BLTP1: variants seen among roughly 807,000 people sequenced by gnomAD.
The protein encoded by BLTP1 is bridge-like lipid transfer protein family member 1.
chr4:122,261,435 C>CT, the BLTP1 span: 1 of 985,082 alleles, frequency 1.0e-6, no homozygotes, highest in Non-Finnish European at 1.2e-6. Flanking sequence ...TTTTCAAGAT[C>CT]TTTTTTGCCT....
chr4:122,215,504 GA>G, the BLTP1 span: 3 of 985,398 alleles, frequency 3.0e-6, no homozygotes, highest in South Asian at 9.4e-5. Context: ...AGGTGGGACA[GA>G]GGTGATTTTC....
chr4:122,204,917 T>G, the BLTP1 span: 1 of 549,238 alleles, frequency 1.8e-6, no homozygotes, highest in Non-Finnish European at 2.3e-6. Flanking sequence ...ATAAATGGAA[T>G]TTTCTGTTGT....
At chr4:122,280,134 A>G in the BLTP1 span, 1,551 of 985,462 alleles carry the variant, frequency 1.6e-3, 13 homozygotes, top group African/African-American at 0.025. Flanking sequence ...GCCAATTGTG[A>G]TCATGTGAGA....
the BLTP1 span, chr4:122,175,149 AT>A: frequency 4.1e-6 from 4 of 984,082 alleles, no homozygotes; most frequent in Non-Finnish European, 4.8e-6. Context: ...AGCCTACTCA[AT>A]TTTTGTGATT....
chr4:122,282,732 A>G, the BLTP1 span, among the ~76,000 whole-genome samples: 13 of 152,188 alleles, frequency 8.5e-5, no homozygotes, highest in African/African-American at 2.9e-4. Context: ...TAGTTTTACC[A>G]TATATGTATA....
chr4:122,170,536 C>A, the BLTP1 span: 1 of 1,378,034 alleles, frequency 7.3e-7, no homozygotes, highest in South Asian at 1.6e-5. Flanking sequence ...TTATTAAATT[C>A]ACCCTTTTTT....
At chr4:122,322,198 T>C in the BLTP1 span, among the ~76,000 whole-genome samples, 1 of 151,750 alleles carries the variant, frequency 6.6e-6, no homozygotes, top group East Asian at 1.9e-4. Flanking sequence ...CCACAGTCCT[T>C]AGATATACTG....
At chr4:122,224,939 G>T in the BLTP1 span, 1 of 1,247,782 alleles carries the variant, frequency 8.0e-7, no homozygotes. Context: ...CTTTCTTTGG[G>T]AAAAATTCAG....
the BLTP1 span, chr4:122,300,987 A>G: frequency 2.0e-6 from 2 of 981,730 alleles, no homozygotes; most frequent in East Asian, 1.1e-4. Context: ...AATTCACATT[A>G]TTAGTTGAAG....
At chr4:122,306,078 G>A in the BLTP1 span, 19 of 1,552,128 alleles carry the variant, frequency 1.2e-5, no homozygotes, top group Non-Finnish European at 1.5e-5. Context: ...TATCCTCTGG[G>A]ATCTAGGAAT....
the BLTP1 span, among the ~76,000 whole-genome samples, chr4:122,167,459 A>G: frequency 2.6e-5 from 4 of 152,210 alleles, no homozygotes; most frequent in South Asian, 8.3e-4. Flanking sequence ...CTGACACCCT[A>G]TGCCAGGCAG....
chr4:122,207,148 A>G, the BLTP1 span: 1 of 1,608,792 alleles, frequency 6.2e-7, no homozygotes, highest in Non-Finnish European at 8.5e-7. Context: ...TCCTCCAGAC[A>G]TTTTTTCATT....
the BLTP1 span, chr4:122,247,154 A>G: frequency 1.6e-5 from 26 of 1,599,954 alleles, no homozygotes; most frequent in Middle Eastern, 1.7e-4. Context: ...TTTTTTTCAT[A>G]AAGAGGTGTG....
the BLTP1 span, chr4:122,353,819 A>C: frequency 3.1e-6 from 5 of 1,608,172 alleles, no homozygotes; most frequent in Non-Finnish European, 4.3e-6. This position sits in a 1 kb window ranked among gnomAD's most constrained non-coding sequence, Gnocchi z 4.3. Context: ...TGTAGGCTCC[A>C]GTGATCATTC....
chr4:122,358,867 A>G, the BLTP1 span, among the ~76,000 whole-genome samples: 1 of 152,076 alleles, frequency 6.6e-6, no homozygotes. Context: ...CCACCCTAAT[A>G]CCTATGTTGC....
chr4:122,356,762 G>A, the BLTP1 span: 1 of 1,606,030 alleles, frequency 6.2e-7, no homozygotes, highest in East Asian at 2.2e-5. Flanking sequence ...AAAGGTGGGT[G>A]GAATACTCTT....
the BLTP1 span, among the ~76,000 whole-genome samples, chr4:122,324,760 CGCT>C: frequency 3.3e-5 from 5 of 151,836 alleles, no homozygotes; most frequent in African/African-American, 1.2e-4. Context: ...TAATGAAGTA[CGCT>C]GCTATTTAGA....
chr4:122,214,463 A>G, the BLTP1 span: 10 of 951,538 alleles, frequency 1.1e-5, no homozygotes, highest in East Asian at 1.2e-4. Flanking sequence ...GCCATCTATT[A>G]TAAAATGAAA....
the BLTP1 span, chr4:122,164,438 T>C: frequency 1.0e-6 from 1 of 984,496 alleles, no homozygotes; most frequent in Non-Finnish European, 1.2e-6. Flanking sequence ...CCCCAGAATC[T>C]CCTTCCACTG....
Sources: gnomAD v4.1 joint callset for allele counts (sites outside exome capture counted in the v4.1 genomes callset) on GRCh38, gnomAD v4.1.1 for gene constraint, Gnocchi (gnomAD v3.1) non-coding constraint, MANE v1.5 for transcripts, NCBI Gene and HGNC (gene_info 2026-07-23, HGNC 2026-07-21) for gene names.